Variants in GRIN2B observed in about 807,000 individuals in gnomAD.
GRIN2B encodes glutamate receptor ionotropic, NMDA 2B.
GRIN2B carries 5 observed loss-of-function variants against 114.5 expected under a neutral mutation model. The ratio of observed to expected loss-of-function variants is 0.04; its 90% CI spans 0.02 to 0.09. The LOEUF (loss-of-function observed/expected upper bound fraction) is 0.09. GRIN2B is among the 10% of genes least tolerant of loss of function. The probability of loss-of-function intolerance (pLI) is 1.00; values close to 1 mark genes in which losing one functional copy is unlikely to be tolerated. For missense variants in GRIN2B, 1,108 were observed against 1,943.5 expected (o/e 0.57, Z 8.08); for synonymous variants, 787 against 745.1 (o/e 1.06, Z -0.92).
chr12:13,717,320 AT>A (rs141724279), intron 4 of GRIN2B, among the ~76,000 whole-genome samples: 9,795 of 151,948 alleles, frequency 0.064, 397 homozygotes, highest in East Asian at 0.18. Context: ...AACAATTCTG[AT>A]TTAAAATAAA....
In GRIN2B at chr12:13,659,846, T is replaced by C. The variant is rs143176436; in HGVS notation, c.1125+15899A>G. Among the ~76,000 whole-genome samples the C allele has an allele frequency of 2.1e-4, 32 of 152,352 alleles. No homozygotes were observed. The East Asian group carries it at 3.7e-3, about 17-fold the overall frequency. ...ATAAGCCCCTTTGTCTTATCATTTA[T>C]TAGTTATCTATTGCTGTGTAAAAAG... is the stretch of plus-strand genomic sequence containing the variant. On this transcript the variant is annotated intron_variant, in intron 5 of 13. Transcript: ENST00000609686.
chr12:13,594,414 T>TAACA (rs1949046930), intron 10 of GRIN2B, among the ~76,000 whole-genome samples: 1 of 149,628 alleles, frequency 6.7e-6, no homozygotes, highest in East Asian at 2.0e-4. Context: ...CGCAGCAAAC[T>TAACA]AACACAAGCA....
At chr12:13,746,276 C>G (rs572682079) in intron 4 of GRIN2B, among the ~76,000 whole-genome samples, 15 of 152,264 alleles carry the variant, frequency 9.9e-5, no homozygotes, top group Admixed American at 3.9e-4. Context: ...GAGTTCATAA[C>G]TTTCGCAGCC....
intron 3 of GRIN2B, among the ~76,000 whole-genome samples, chr12:13,809,544 T>C (rs1289986213): frequency 1.3e-5 from 2 of 152,180 alleles, no homozygotes; most frequent in African/African-American, 4.8e-5. Flanking sequence ...AATCCTAAAA[T>C]GCTAATCTAA....
chr12:13,805,528 C>T (rs768055521), intron 3 of GRIN2B, among the ~76,000 whole-genome samples: 1 of 152,006 alleles, frequency 6.6e-6, no homozygotes, highest in Non-Finnish European at 1.5e-5. Context: ...TTCTAAGAAA[C>T]AATAAGCTGG....
rs1209365798 is a variant in GRIN2B, at chr12:13,552,977, A to C, written c.*9806T>G. 1 of 152,172 alleles carries C rather than the reference A, an allele frequency of 6.6e-6. No homozygotes were observed. Among genetic ancestry groups the C allele is most frequent in the Non-Finnish European group, 1.5e-5 (1 of 68,034 alleles). The allele number at this position is 152,172 out of a possible 1,614,324, so 9.4% of individuals were successfully genotyped here. A position where few individuals can be genotyped will look rare whatever the true frequency, so the allele number is the denominator to read the frequency against. On this transcript the variant is annotated 3_prime_UTR_variant, in exon 14 of 14. Transcript: ENST00000609686. Reference sequence around the variant, plus strand: ...TCTCTATAGTATGCTTTAAATTAGCACACAGTGGCAGAAGATGCCTCCCAA... The same window carrying C: ...TCTCTATAGTATGCTTTAAATTAGCCCACAGTGGCAGAAGATGCCTCCCAA...
intron 2 of GRIN2B, among the ~76,000 whole-genome samples, chr12:13,950,985 C>T (rs1341420203): frequency 1.3e-5 from 2 of 152,184 alleles, no homozygotes; most frequent in Admixed American, 6.5e-5. Context: ...AGAAGTGGTG[C>T]TTCTAGAGAT....
intron 2 of GRIN2B, among the ~76,000 whole-genome samples, chr12:13,894,994 T>C (rs543200678): frequency 2.0e-5 from 3 of 152,344 alleles, no homozygotes; most frequent in Non-Finnish European, 2.9e-5. Context: ...GTTTGAGTTA[T>C]CACATTTATT....
At chr12:13,941,159 T>G (rs192777710) in intron 2 of GRIN2B, among the ~76,000 whole-genome samples, 3 of 152,124 alleles carry the variant, frequency 2.0e-5, no homozygotes, top group Admixed American at 2.0e-4. Flanking sequence ...TGGATAGAGC[T>G]GGGCCAGTTA....
intron 10 of GRIN2B, among the ~76,000 whole-genome samples, chr12:13,586,308 T>C (rs1323390765): frequency 3.9e-5 from 6 of 152,250 alleles, no homozygotes; most frequent in Admixed American, 2.6e-4. Flanking sequence ...TCATTACTTT[T>C]AATAATTTCT....
At chr12:13,574,728 A>G (rs1284065634) in intron 10 of GRIN2B, among the ~76,000 whole-genome samples, 1 of 152,226 alleles carries the variant, frequency 6.6e-6, no homozygotes. Context: ...TTGTAATTGT[A>G]TCCCTGAATA....
At chr12:13,903,672 A>C (rs1394230644) in intron 2 of GRIN2B, among the ~76,000 whole-genome samples, 1 of 152,066 alleles carries the variant, frequency 6.6e-6, no homozygotes, top group Non-Finnish European at 1.5e-5. Context: ...ATATGTTTGA[A>C]ATAAAAGTAA....
At chr12:13,596,614 A>G (rs2136449017) in intron 10 of GRIN2B, among the ~76,000 whole-genome samples, 1 of 152,342 alleles carries the variant, frequency 6.6e-6, no homozygotes, top group East Asian at 1.9e-4. Flanking sequence ...AAGTAAACAC[A>G]CTGGTTACTG....
In GRIN2B at chr12:13,542,197, T is replaced by A. The variant is rs577437630; in HGVS notation, c.*20586A>T. 3.3e-5 allele frequency: 5 copies of A among 152,346 alleles called. No homozygotes were observed. In the South Asian group the frequency reaches 1.0e-3, roughly 32 times the overall value. 9.4% of individuals were successfully genotyped at this position (152,346 alleles called of 1,614,324 possible). A position where few individuals can be genotyped will look rare whatever the true frequency, so the allele number is the denominator to read the frequency against. On this transcript the variant is annotated 3_prime_UTR_variant, in exon 14 of 14. Transcript: ENST00000609686. ...AATGATCTGTCAGAGAAAACTTTCA[T>A]TTAGCAGAATTGGGCAGAAGCAAAG...
intron 5 of GRIN2B, among the ~76,000 whole-genome samples, chr12:13,618,920 G>A (rs759875046): frequency 1.3e-5 from 2 of 151,938 alleles, no homozygotes; most frequent in Non-Finnish European, 2.9e-5. Context: ...AGATACTATT[G>A]TGAACAATAA....
chr12:13,611,862 A>G lies in GRIN2B; in HGVS notation c.1655-12T>C. 6.2e-7 allele frequency: 1 copy of G among 1,612,000 alleles called. No homozygotes were observed. ...AGCGCTGAATGGCTCTGAGGAAGGG[A>G]AAAAAGCAGTGCTCAGGGTTAGAAC... On this transcript the variant is annotated splice_polypyrimidine_tract_variant and intron_variant, in intron 8 of 13. Coordinates refer to ENST00000609686, the MANE Select transcript of GRIN2B (RefSeq NM_000834.5).
intron 3 of GRIN2B, among the ~76,000 whole-genome samples, chr12:13,820,058 C>T (rs1864904932): frequency 1.3e-5 from 2 of 152,184 alleles, no homozygotes; most frequent in South Asian, 2.1e-4. Flanking sequence ...CCCTTAGTTT[C>T]CCTTATCTCT....
chr12:13,879,464 T>C (rs947367207), intron 2 of GRIN2B, among the ~76,000 whole-genome samples: 4 of 151,672 alleles, frequency 2.6e-5, no homozygotes, highest in Middle Eastern at 3.4e-3. Context: ...CAAAGAAATA[T>C]ATAACGTTAA....
intron 4 of GRIN2B, among the ~76,000 whole-genome samples, chr12:13,706,120 T>C (rs574048440): frequency 6.6e-5 from 10 of 152,076 alleles, no homozygotes; most frequent in Non-Finnish European, 1.3e-4. Flanking sequence ...GCTTTGGTAA[T>C]CATCTAGCTA....
Sources: gnomAD v4.1 joint callset for allele counts (sites outside exome capture counted in the v4.1 genomes callset) on GRCh38, gnomAD v4.1.1 for gene constraint, MANE v1.5 for transcripts, NCBI Gene and HGNC (gene_info 2026-07-23, HGNC 2026-07-21) for gene names.